ZNF35: variants seen among roughly 807,000 people sequenced by gnomAD.
ZNF35 encodes the protein zinc finger protein 35 (clone HF.10).
ZNF35 carries 31 observed loss-of-function variants against 45.9 expected under a neutral mutation model. That is an observed-to-expected ratio of 0.68 (90% CI 0.51 to 0.91). The LOEUF (loss-of-function observed/expected upper bound fraction) is 0.91, where lower values mean the gene tolerates loss of function less well. Among genes scored for constraint, ZNF35 ranks in the 40% least tolerant of loss-of-function variants. The probability of loss-of-function intolerance (pLI) is 0.00; values close to 1 mark genes in which losing one functional copy is unlikely to be tolerated. For missense variants in ZNF35, 515 were observed against 625.4 expected (o/e 0.82, Z 1.88); for synonymous variants, 205 against 220.2 (o/e 0.93, Z 0.61).
Position 44,651,269 on chromosome 3 carries a change from G to A in ZNF35, c.192+10G>A. On this transcript the variant is annotated intron_variant, in intron 2 of 3. Transcript: ENST00000396056. Reference sequence around the variant, plus strand: ...AGAAGAGGAAGAAAAGGTAAACGGGGGCCTGAGAGGAAGAGGGGAGGAGAT... The same window carrying A: ...AGAAGAGGAAGAAAAGGTAAACGGGAGCCTGAGAGGAAGAGGGGAGGAGAT... The A allele has an allele frequency of 6.2e-7, 1 of 1,608,920 alleles. No homozygotes were observed. The highest frequency in any genetic ancestry group is 8.5e-7 in the Non-Finnish European group (1 of 1,177,916).
Position 44,659,352 on chromosome 3 carries a change from C to T in ZNF35, c.989C>T (p.Thr330Met), listed in dbSNP as rs781592124. Residue 330 changes from threonine to methionine, a missense_variant, in exon 4 of 4, where the codon ACG (threonine) becomes ATG (methionine). By Grantham distance (81) the Thr-to-Met change is moderately conservative. Around this residue, in one of 3 missense-constraint regions of ZNF35, gnomAD observed 232 missense variants for 304.6 expected, o/e 0.76. Transcript: ENST00000396056. The surrounding 1 kb of genome is among the most constrained non-coding windows in gnomAD (Gnocchi z 4.3). ...GCTCGGCACCAGAAAGTCCACATTA[C>T]GGAAAAATGCTATGAATGTAATGAA... Reference protein sequence around the residue: ...QLARHQKVHITEKCYECNECG... With the variant: ...QLARHQKVHIMEKCYECNECG... 6.8e-6 allele frequency: 11 copies of T among 1,613,944 alleles called. No individual in the cohort carries two copies. Among genetic ancestry groups the T allele is most frequent in the Admixed American group, 6.7e-5 (4 of 59,974 alleles).
upstream of ZNF35, chr3:44,648,519 G>T (rs1474431463): frequency 6.6e-6 from 1 of 152,192 alleles, no homozygotes; most frequent in Non-Finnish European, 1.5e-5. Context: ...GCTCTTGGGT[G>T]CGCGCCTCGC....
chr3:44,652,741 G>T (rs1264720583), intron 3 of ZNF35, 40 bp downstream of exon 3: 3 of 1,490,718 alleles, frequency 2.0e-6, no homozygotes, highest in African/African-American at 1.4e-5. Context: ...GACCATTGGG[G>T]TTTCTCAAAA....
chr3:44,654,082 G>A (rs955104582), intron 3 of ZNF35, among the ~76,000 whole-genome samples: 9 of 152,030 alleles, frequency 5.9e-5, no homozygotes, highest in African/African-American at 1.7e-4. Context: ...TGGTGCATTC[G>A]CGTGCATGTC....
At chr3:44,648,671 A>C (rs902268562), upstream of ZNF35, 5 of 151,974 alleles carry the variant, frequency 3.3e-5, no homozygotes, top group African/African-American at 1.2e-4. Context: ...AGCACCTCCG[A>C]GGTTCCTAGA....
In ZNF35 at chr3:44,659,555, G is replaced by C; in HGVS notation, c.1192G>C (p.Ala398Pro). The C allele has an allele frequency of 6.2e-7, 1 of 1,614,008 alleles. No individual in the cohort carries two copies. The highest frequency in any genetic ancestry group is 8.5e-7 in the Non-Finnish European group (1 of 1,179,970). ...ATATGAGTGTAAAGAGTGTGGGAAA[G>C]CCTTTAGTTGTTTTTCACACCTTAT... ...KPYECKECGK[A>P]FSCFSHLIVH... Residue 398 changes from alanine to proline, a missense_variant, in exon 4 of 4, where the codon GCC (alanine) becomes CCC (proline). Physicochemically the swap from Ala to Pro is conservative, Grantham distance 27. Coordinates refer to ENST00000396056, the MANE Select transcript of ZNF35 (RefSeq NM_003420.4). The surrounding 1 kb of genome is among the most constrained non-coding windows in gnomAD (Gnocchi z 4.3).
rs1317223267 is a variant in ZNF35, at chr3:44,660,035, ATAAAAG to A, written c.*90_*95del. 2.9e-6 allele frequency: 4 copies of A among 1,369,022 alleles called. No individual in the cohort carries two copies. The African/African-American group carries it at 5.8e-5, about 20-fold the overall frequency. The allele number at this position is 1,369,022 out of a possible 1,614,324, so 84.8% of individuals were successfully genotyped here. A position where few individuals can be genotyped will look rare whatever the true frequency, so the allele number is the denominator to read the frequency against. On this transcript the variant is annotated 3_prime_UTR_variant, in exon 4 of 4. Transcript: ENST00000396056. ...CTCTTTGCTGTTTTCTTCCTCCTCT[ATAAAAG>A]TGAGGGCTGTGTCCTTAAAAGTTAT...
At chr3:44,657,111 G>T (rs1261773048) in intron 3 of ZNF35, among the ~76,000 whole-genome samples, 2 of 152,174 alleles carry the variant, frequency 1.3e-5, no homozygotes, top group African/African-American at 4.8e-5. Flanking sequence ...TAGAATTTCA[G>T]ATTACCATAG....
chr3:44,647,695 C>T (rs898205032), upstream of ZNF35: 11 of 152,048 alleles, frequency 7.2e-5, no homozygotes, highest in African/African-American at 2.7e-4. Flanking sequence ...AAAATAATCA[C>T]AAAAGGCCAT....
At chr3:44,655,700 C>T (rs1295799285) in intron 3 of ZNF35, among the ~76,000 whole-genome samples, 1 of 152,222 alleles carries the variant, frequency 6.6e-6, no homozygotes, top group Non-Finnish European at 1.5e-5. Context: ...TTCTTAGGCA[C>T]TTGCCAAGAC....
At chr3:44,646,559 T>C (rs1575506807), upstream of ZNF35, 1 of 1,139,440 alleles carries the variant, frequency 8.8e-7, no homozygotes, top group East Asian at 2.3e-5. Context: ...ATCCAGAACG[T>C]GGAATATTGC....
At chr3:44,654,770 A>G (rs1703267071) in intron 3 of ZNF35, among the ~76,000 whole-genome samples, 2 of 152,230 alleles carry the variant, frequency 1.3e-5, no homozygotes, top group Admixed American at 1.3e-4. Flanking sequence ...TATTTGTATA[A>G]AAGTGAGAAC....
intron 1 of ZNF35, among the ~76,000 whole-genome samples, chr3:44,649,241 T>C (rs779901964): frequency 4.6e-5 from 7 of 152,230 alleles, no homozygotes; most frequent in Non-Finnish European, 8.8e-5. Context: ...GGCAGTCTTA[T>C]ACACAAGGTG....
Position 44,658,750 on chromosome 3 carries a change from T to C in ZNF35, c.387T>C (p.Cys129=), listed in dbSNP as rs777511950. 3 of 1,590,504 alleles carry C rather than the reference T, an allele frequency of 1.9e-6. No homozygotes were observed. In the East Asian group the frequency reaches 6.7e-5, roughly 35 times the overall value. Residue 129 remains cysteine, a synonymous_variant, in exon 4 of 4, where the codon TGT becomes TGC. Coordinates refer to ENST00000396056, the MANE Select transcript of ZNF35 (RefSeq NM_003420.4). ...TACTGGTTCCAAAAACTGAGATATG[T>C]GAGGAAGCTGAAAAACCCCTCATCA... ...LQLLVPKTEI[C]EEAEKPLIIS...
chr3:44,650,383 G>GTAT (rs1703174350), intron 1 of ZNF35, among the ~76,000 whole-genome samples: 1 of 152,088 alleles, frequency 6.6e-6, no homozygotes, highest in Non-Finnish European at 1.5e-5. Context: ...TAACACGTTG[G>GTAT]TATAAAGACT....
intron 2 of ZNF35, among the ~76,000 whole-genome samples, chr3:44,652,353 C>CA (rs1198791404): frequency 6.6e-6 from 1 of 152,128 alleles, no homozygotes; most frequent in African/African-American, 2.4e-5. Context: ...GAGGTGCAAT[C>CA]AAAGTAATAA....
At chr3:44,649,505 A>G (rs927476669) in intron 1 of ZNF35, among the ~76,000 whole-genome samples, 8 of 152,184 alleles carry the variant, frequency 5.3e-5, no homozygotes, top group Non-Finnish European at 8.8e-5. Flanking sequence ...AAAAATTTCA[A>G]TCTCTTCATA....
intron 3 of ZNF35, 138 bp from the exon 4 acceptor site, chr3:44,658,563 T>C (rs1479888548): frequency 3.4e-6 from 3 of 876,196 alleles, no homozygotes; most frequent in African/African-American, 3.4e-5. Flanking sequence ...AGAGGTAACA[T>C]GTGATGGGAT....
At chr3:44,646,804 T>C (rs1322107728), upstream of ZNF35, 16 of 362,514 alleles carry the variant, frequency 4.4e-5, no homozygotes, top group Non-Finnish European at 7.0e-5. Context: ...CTCACATAAA[T>C]GGCCAATTGA....
Sources: allele counts gnomAD v4.1 joint callset (sites outside exome capture counted in the v4.1 genomes callset), GRCh38; gene constraint gnomAD v4.1.1; regional missense constraint gnomAD v4.1.1; non-coding constraint Gnocchi (gnomAD v3.1); transcripts MANE v1.5; gene names NCBI Gene and HGNC (gene_info 2026-07-23, HGNC 2026-07-21).